The following NKAIN3 variants were observed in gnomAD, a reference collection of about 807,000 sequenced individuals.
The protein encoded by NKAIN3 is sodium/potassium transporting ATPase interacting 3.
A neutral mutation model predicts 30.2 loss-of-function variants in NKAIN3; 25 were observed. The observed-to-expected ratio is 0.83, with a 90% CI of 0.60 to 1.16. The LOEUF (loss-of-function observed/expected upper bound fraction) is 1.16, where lower values mean the gene tolerates loss of function less well. Ranked by LOEUF, NKAIN3 falls within the 50% of genes most tolerant of loss-of-function variation. The probability of loss-of-function intolerance (pLI) is 0.00; values close to 1 mark genes in which losing one functional copy is unlikely to be tolerated. For missense variants in NKAIN3, 225 were observed against 254.1 expected (o/e 0.89, Z 0.78); for synonymous variants, 91 against 89.6 (o/e 1.02, Z -0.09).
chr8:62,611,413 G>A (rs1414152229), intron 3 of NKAIN3, among the ~76,000 whole-genome samples: 1 of 152,024 alleles, frequency 6.6e-6, no homozygotes, highest in Non-Finnish European at 1.5e-5. Context: ...TTAAACTATT[G>A]TTTGTACTCA....
intron 1 of NKAIN3, among the ~76,000 whole-genome samples, chr8:62,534,167 C>T (rs1808575860): frequency 6.6e-6 from 1 of 152,118 alleles, no homozygotes; most frequent in Admixed American, 6.6e-5. Context: ...AGAGCTCTGC[C>T]CCCGGCTAGG....
chr8:62,772,001 T>C (rs1245942567), intron 4 of NKAIN3, among the ~76,000 whole-genome samples: 1 of 152,098 alleles, frequency 6.6e-6, no homozygotes, highest in Non-Finnish European at 1.5e-5. Context: ...AAATACTAGA[T>C]TTTATTTATC....
At chr8:62,301,716 A>G (rs1161983666) in intron 1 of NKAIN3, among the ~76,000 whole-genome samples, 1 of 152,108 alleles carries the variant, frequency 6.6e-6, no homozygotes, top group Non-Finnish European at 1.5e-5. Flanking sequence ...TGGTACACAA[A>G]TAGGTTTCTG....
chr8:62,391,820 C>T (rs1479933475), intron 1 of NKAIN3, among the ~76,000 whole-genome samples: 5 of 151,376 alleles, frequency 3.3e-5, no homozygotes, highest in South Asian at 2.1e-4. Flanking sequence ...TGTGTGTATG[C>T]GTGTGTGGGT....
rs1353626703 is a variant in NKAIN3 at position 62,616,862 on chromosome 8, A to G, written c.273+27068A>G. On this transcript the variant is annotated intron_variant, in intron 3 of 6. Transcript: ENST00000623646. Reference sequence around the variant, plus strand: ...GCAATATAGTTTGGATGTCCTCTCCAAATCTCATGGTGAAATGTAATCCCC... The same window carrying G: ...GCAATATAGTTTGGATGTCCTCTCCGAATCTCATGGTGAAATGTAATCCCC... Among the ~76,000 whole-genome samples the G allele has an allele frequency of 2.6e-5, 4 of 152,314 alleles. No individual in the cohort carries two copies. The East Asian group carries it at 7.7e-4, about 29-fold the overall frequency.
intron 3 of NKAIN3, among the ~76,000 whole-genome samples, chr8:62,739,250 C>G (rs1320139626): frequency 6.6e-6 from 1 of 151,278 alleles, no homozygotes; most frequent in Non-Finnish European, 1.5e-5. Flanking sequence ...TAACCCAGAA[C>G]TTAAAGTATA....
chr8:62,718,807 T>A (rs1814990612), intron 3 of NKAIN3, among the ~76,000 whole-genome samples: 1 of 152,228 alleles, frequency 6.6e-6, no homozygotes, highest in Non-Finnish European at 1.5e-5. Context: ...TTTTATAGTT[T>A]ACATTTTATG....
chr8:62,612,499 T>C (rs911557304), intron 3 of NKAIN3, among the ~76,000 whole-genome samples: 4 of 151,628 alleles, frequency 2.6e-5, no homozygotes, highest in Non-Finnish European at 5.9e-5. Context: ...TCTTTATAGG[T>C]GATGTGTGTT....
chr8:62,521,194 G>A (rs894950412), intron 1 of NKAIN3, among the ~76,000 whole-genome samples: 4 of 151,842 alleles, frequency 2.6e-5, no homozygotes, highest in East Asian at 3.9e-4. Flanking sequence ...ATAGCGGATC[G>A]CACCAATCGT....
rs142798118 is a variant in NKAIN3 at position 62,778,439 on chromosome 8, C to T, written c.471+31310C>T. Among the ~76,000 whole-genome samples, 40 of 152,208 alleles carry T rather than the reference C, an allele frequency of 2.6e-4. No individual in the cohort carries two copies. In the East Asian group the frequency reaches 3.1e-3, roughly 12 times the overall value. On this transcript the variant is annotated intron_variant, in intron 4 of 6. Transcript: ENST00000623646. ...AGAACAAAGTTCTTACCATTCTTCT[C>T]TCCCCTTTCCGCAAGCAGAGGAGTG...
chr8:62,558,283 C>T (rs1009272266), intron 1 of NKAIN3, among the ~76,000 whole-genome samples: 11 of 151,982 alleles, frequency 7.2e-5, no homozygotes, highest in African/African-American at 2.7e-4. Flanking sequence ...GTTTTTATAC[C>T]ACTACCATGC....
At chr8:62,429,495 G>T (rs1164511321) in intron 1 of NKAIN3, among the ~76,000 whole-genome samples, 4 of 151,560 alleles carry the variant, frequency 2.6e-5, no homozygotes, top group Admixed American at 2.6e-4. Context: ...ATAGGTTATT[G>T]ACTTCAGTTT....
chr8:62,823,340 CA>C (rs1006404900), intron 4 of NKAIN3, among the ~76,000 whole-genome samples: 1 of 152,000 alleles, frequency 6.6e-6, no homozygotes, highest in African/African-American at 2.4e-5. Context: ...TGACTATATA[CA>C]AAAGCAAGGG....
chr8:62,555,457 T>C (rs1404977673), intron 1 of NKAIN3, among the ~76,000 whole-genome samples: 3 of 151,994 alleles, frequency 2.0e-5, no homozygotes, highest in African/African-American at 7.2e-5. Context: ...ACTAAGTGGA[T>C]AGGGTTAGCA....
At chr8:62,249,450 C>G (rs1812018024) in intron 1 of NKAIN3, among the ~76,000 whole-genome samples, 1 of 152,248 alleles carries the variant, frequency 6.6e-6, no homozygotes, top group Non-Finnish European at 1.5e-5. Flanking sequence ...GCCCCTTGAT[C>G]CGATACCTGG....
In NKAIN3 at chr8:62,618,499, C is replaced by T. The variant is rs566507059; in HGVS notation, c.273+28705C>T. ...CTGCTGTAGTCCCTCATGATTGCTT[C>T]GCTCGCTCGTGGTGGACAATTAGTT... On this transcript the variant is annotated intron_variant, in intron 3 of 6. Coordinates refer to ENST00000623646, the MANE Select transcript of NKAIN3 (RefSeq NM_001304533.3). Among the ~76,000 whole-genome samples, 9 of 151,894 alleles carry T rather than the reference C, an allele frequency of 5.9e-5. No individual in the cohort carries two copies. In the East Asian group the frequency reaches 1.4e-3, roughly 23 times the overall value.
chr8:62,810,641 T>TTG (rs1438153097), intron 4 of NKAIN3, among the ~76,000 whole-genome samples: 1 of 150,928 alleles, frequency 6.6e-6, no homozygotes, highest in East Asian at 1.9e-4. Flanking sequence ...GTAGAAAGTT[T>TTG]TTTTTTTTTT....
At chr8:62,509,131 C>G (rs965319493) in intron 1 of NKAIN3, among the ~76,000 whole-genome samples, 1 of 152,094 alleles carries the variant, frequency 6.6e-6, no homozygotes, top group Non-Finnish European at 1.5e-5. Context: ...GCAAAATCAG[C>G]ATGAACTCTA....
intron 1 of NKAIN3, among the ~76,000 whole-genome samples, chr8:62,356,840 G>C (rs534544449): frequency 6.6e-6 from 1 of 152,068 alleles, no homozygotes; most frequent in Non-Finnish European, 1.5e-5. Context: ...GGCCAGGCAC[G>C]GTGGCTCATG....
Sources: gnomAD v4.1 joint callset for allele counts (sites outside exome capture counted in the v4.1 genomes callset) on GRCh38, gnomAD v4.1.1 for gene constraint, MANE v1.5 for transcripts, NCBI Gene and HGNC (gene_info 2026-07-23, HGNC 2026-07-21) for gene names.